The following TLN2 variants were observed in gnomAD, a reference collection of about 807,000 sequenced individuals.
The protein encoded by TLN2 is talin-2.
In TLN2, 118 loss-of-function variants were observed where a neutral mutation model predicts 294.7. The ratio of observed to expected loss-of-function variants is 0.40; its 90% CI spans 0.34 to 0.47. The LOEUF (loss-of-function observed/expected upper bound fraction) is 0.47, where lower values mean the gene tolerates loss of function less well. TLN2 is among the 20% of genes least tolerant of loss of function. The pLI, the probability that TLN2 is intolerant of heterozygous loss-of-function variation, is 0.84. For missense variants in TLN2, 3,083 were observed against 3,282.2 expected (o/e 0.94, Z 1.48); for synonymous variants, 1,431 against 1,304.5 (o/e 1.10, Z -2.09).
Position 62,805,787 on chromosome 15 carries a change from T to C in TLN2, c.6663+2T>C, listed in dbSNP as rs1358510204. 1 of 1,611,874 alleles carries C rather than the reference T, an allele frequency of 6.2e-7. No individual in the cohort carries two copies. Among genetic ancestry groups the C allele is most frequent in the Non-Finnish European group, 8.5e-7 (1 of 1,178,492 alleles). On this transcript the variant is annotated splice_donor_variant, in intron 51 of 58. Coordinates refer to ENST00000636159, the MANE Select transcript of TLN2 (RefSeq NM_015059.3). LOFTEE classifies it high-confidence loss of function. ...TCAGATATGTTGACGGCTTGCAAGGTAAAGAGCTTGGCATGGTTTTGGATG... is the reference window on the plus strand; with the variant it reads ...TCAGATATGTTGACGGCTTGCAAGGCAAAGAGCTTGGCATGGTTTTGGATG...
intron 37 of TLN2, chr15:62,758,571 G>A (rs947678009): frequency 2.6e-5 from 4 of 152,232 alleles, no homozygotes; most frequent in Admixed American, 1.3e-4. Context: ...TCACAGCAGA[G>A]TTAAAGCTCG....
At chr15:62,826,884 GT>G (rs1021600488) in intron 54 of TLN2, among the ~76,000 whole-genome samples, 1 of 152,016 alleles carries the variant, frequency 6.6e-6, no homozygotes, top group East Asian at 1.9e-4. Context: ...ATCCAAGAGG[GT>G]TTTTTTAAAG....
intron 2 of TLN2, among the ~76,000 whole-genome samples, chr15:62,605,024 C>A (rs1480735896): frequency 6.6e-6 from 1 of 152,010 alleles, no homozygotes; most frequent in East Asian, 1.9e-4. Context: ...GTTGAAAAAA[C>A]AGTATTTTGT....
intron 1 of TLN2, among the ~76,000 whole-genome samples, chr15:62,489,320 A>G (rs2038581326): frequency 6.6e-6 from 1 of 152,248 alleles, no homozygotes; most frequent in Non-Finnish European, 1.5e-5. Context: ...AACAGGTTAC[A>G]CAACAAACTC....
intron 1 of TLN2, among the ~76,000 whole-genome samples, chr15:62,393,294 CG>C (rs1319300635): frequency 6.6e-6 from 1 of 152,102 alleles, no homozygotes; most frequent in Non-Finnish European, 1.5e-5. Flanking sequence ...AAAGAGAAAG[CG>C]AACTTTTAAC....
intron 1 of TLN2, among the ~76,000 whole-genome samples, chr15:62,444,281 A>G (rs2035703264): frequency 6.6e-6 from 1 of 152,218 alleles, no homozygotes; most frequent in South Asian, 2.1e-4. Flanking sequence ...ATGTGAGGTC[A>G]CTGGTCTCCA....
Position 62,642,702 on chromosome 15 carries a change from T to G in TLN2, c.-36-4573T>G, listed in dbSNP as rs977114769. ...TTTTTGTTTGTTTGTTTGTTTTCTG[T>G]TTTTTTTTTTTTTGAGACAGAGTCT... On this transcript the variant is annotated intron_variant, in intron 3 of 58. Coordinates refer to ENST00000636159, the MANE Select transcript of TLN2 (RefSeq NM_015059.3). Among the ~76,000 whole-genome samples, 5 of 113,464 alleles carry G rather than the reference T, an allele frequency of 4.4e-5. No homozygotes were observed. The South Asian group carries it at 9.4e-4, about 21-fold the overall frequency. The allele number at this position is 113,464 out of a possible 152,430, so 74.4% of individuals were successfully genotyped here. A position where few individuals can be genotyped will look rare whatever the true frequency, so the allele number is the denominator to read the frequency against.
chr15:62,563,919 G>A (rs916070169), intron 1 of TLN2, among the ~76,000 whole-genome samples: 1 of 152,184 alleles, frequency 6.6e-6, no homozygotes, highest in Non-Finnish European at 1.5e-5. Context: ...TGGATGGAAG[G>A]GGGTGGGGTT....
intron 47 of TLN2, 21 bp from the exon 48 acceptor site, chr15:62,797,198 C>T (rs757398488): frequency 1.2e-6 from 2 of 1,613,834 alleles, no homozygotes; most frequent in African/African-American, 1.3e-5. Context: ...CCCCTCTCCC[C>T]TGCCCTCCTG....
intron 1 of TLN2, among the ~76,000 whole-genome samples, chr15:62,551,148 A>G (rs972002610): frequency 6.6e-6 from 1 of 152,030 alleles, no homozygotes; most frequent in Non-Finnish European, 1.5e-5. Flanking sequence ...TAATGCTGCC[A>G]CCTGTCTGAT....
At chr15:62,609,689 C>G (rs1303641358) in intron 2 of TLN2, among the ~76,000 whole-genome samples, 1 of 152,120 alleles carries the variant, frequency 6.6e-6, no homozygotes, top group Non-Finnish European at 1.5e-5. Flanking sequence ...CTAGATGTGT[C>G]CTGTTACCGA....
chr15:62,797,772 G>A (rs1471767682), intron 48 of TLN2, among the ~76,000 whole-genome samples: 1 of 152,214 alleles, frequency 6.6e-6, no homozygotes, highest in Non-Finnish European at 1.5e-5. Flanking sequence ...GCAGGGGGAG[G>A]TGGAGGAGAT....
In TLN2 at chr15:62,673,948, T is replaced by C. The variant is rs1385587958; in HGVS notation, c.852+58T>C. 2.9e-6 allele frequency: 4 copies of C among 1,378,324 alleles called. No homozygotes were observed. In the East Asian group the frequency reaches 6.9e-5, roughly 24 times the overall value. The allele number at this position is 1,378,324 out of a possible 1,614,324, so 85.4% of individuals were successfully genotyped here. A position where few individuals can be genotyped will look rare whatever the true frequency, so the allele number is the denominator to read the frequency against. On this transcript the variant is annotated intron_variant, in intron 10 of 58. Coordinates refer to ENST00000636159, the MANE Select transcript of TLN2 (RefSeq NM_015059.3). ...CTCACTCCCCATCCTCATTTATTAG[T>C]GTGAGGGGGCCTCTGCGCATGGTAG... is the stretch of plus-strand genomic sequence containing the variant.
rs145793587 is a variant in TLN2 at position 62,551,598 on chromosome 15, C to T, written c.-237-38089C>T. 6.3e-3 allele frequency among the ~76,000 whole-genome samples: 953 copies of T among 152,094 alleles called. 20 individuals are homozygous for T. Among genetic ancestry groups the T allele is most frequent in the Admixed American group, 0.045 (683 of 15,276 alleles). The stretch of plus-strand genomic sequence containing the variant: ...CCTGTAATCCCAGCTACTCGGGAGG[C>T]TAAGGCAGGAGAATCACTTGAACCT... On this transcript the variant is annotated intron_variant, in intron 1 of 58. Coordinates refer to ENST00000636159, the MANE Select transcript of TLN2 (RefSeq NM_015059.3).
intron 1 of TLN2, among the ~76,000 whole-genome samples, chr15:62,421,495 T>TA (rs1345923252): frequency 1.3e-5 from 2 of 152,046 alleles, no homozygotes; most frequent in East Asian, 3.9e-4. Context: ...TATACAGCCA[T>TA]AAAAAAGAAT....
chr15:62,639,230 GATCTATATCTATATCTAT>G (rs58437592), intron 3 of TLN2, among the ~76,000 whole-genome samples: 18 of 83,532 alleles, frequency 2.2e-4, no homozygotes, highest in South Asian at 3.2e-4. Flanking sequence ...CTAGGTTATA[GATCTATATCTATATCTAT>G]ATCTATATCT....
At chr15:62,552,599 G>A (rs759337074) in intron 1 of TLN2, among the ~76,000 whole-genome samples, 2 of 152,212 alleles carry the variant, frequency 1.3e-5, no homozygotes, top group African/African-American at 2.4e-5. Flanking sequence ...AGCCCCTGGT[G>A]TAGTGCTGAA....
intron 45 of TLN2, among the ~76,000 whole-genome samples, chr15:62,790,254 A>G (rs1390722239): frequency 1.3e-5 from 2 of 152,168 alleles, no homozygotes; most frequent in African/African-American, 4.8e-5. Context: ...ACACATTTTA[A>G]CTCATAAAGG....
At position 62,521,963 on chromosome 15, in the gene TLN2, T is replaced by G. The variant is rs114541769; in HGVS notation, c.-237-67724T>G. 7.1e-3 allele frequency among the ~76,000 whole-genome samples: 1,087 copies of G among 152,320 alleles called. 7 individuals carry two copies. The highest frequency in any genetic ancestry group is 0.025 in the African/African-American group (1,054 of 41,564). ...AAGAGTCTGTTTTGTCAGTCTTTGA[T>G]CTCTATTTTAGTGTTAATACTGGTC... is the stretch of plus-strand genomic sequence containing the variant. On this transcript the variant is annotated intron_variant, in intron 1 of 58. Coordinates refer to ENST00000636159, the MANE Select transcript of TLN2 (RefSeq NM_015059.3).
Sources: allele counts gnomAD v4.1 joint callset (sites outside exome capture counted in the v4.1 genomes callset), GRCh38; gene constraint gnomAD v4.1.1; transcripts MANE v1.5; gene names NCBI Gene and HGNC (gene_info 2026-07-23, HGNC 2026-07-21).